The following MCPH1 variants were observed in gnomAD, a reference collection of about 807,000 sequenced individuals.
MCPH1 encodes microcephalin 1.
In MCPH1, 104 loss-of-function variants were observed where a neutral mutation model predicts 84.5. The observed-to-expected ratio is 1.23, with a 90% CI of 1.05 to 1.45. The LOEUF is 1.45. Ranked by LOEUF, MCPH1 falls within the 40% of genes most tolerant of loss-of-function variation. MCPH1 has a pLI of 0.00. For synonymous variants in MCPH1, 514 were observed against 366.8 expected (o/e 1.40, Z -4.58); for missense variants, 1,498 against 1,005.7 (o/e 1.49, Z -6.62).
At chr8:6,557,842 A>G (rs1824892076) in intron 12 of MCPH1, among the ~76,000 whole-genome samples, 1 of 152,116 alleles carries the variant, frequency 6.6e-6, no homozygotes. Context: ...CATTGTATGC[A>G]TCCTCTAGAT....
At chr8:6,488,922 C>T (rs562582277) in intron 11 of MCPH1, among the ~76,000 whole-genome samples, 2 of 151,738 alleles carry the variant, frequency 1.3e-5, no homozygotes, top group East Asian at 3.9e-4. Context: ...AGCAGGTCGG[C>T]GCCCTTCCTA....
chr8:6,586,961 G>C (rs1828035887), intron 12 of MCPH1, among the ~76,000 whole-genome samples: 1 of 152,122 alleles, frequency 6.6e-6, no homozygotes, highest in African/African-American at 2.4e-5. Context: ...GGCTGTGGGA[G>C]CCGAGCCCCG....
At chr8:6,607,980 G>T (rs892312705) in intron 12 of MCPH1, among the ~76,000 whole-genome samples, 4 of 152,192 alleles carry the variant, frequency 2.6e-5, no homozygotes, top group Admixed American at 6.5e-5. Flanking sequence ...GCTGGGAAAG[G>T]CCAGACCAAC....
chr8:6,590,803 C>G (rs1190971511), intron 12 of MCPH1, among the ~76,000 whole-genome samples: 1 of 152,178 alleles, frequency 6.6e-6, no homozygotes, highest in Non-Finnish European at 1.5e-5. Flanking sequence ...TGCCTCAGGT[C>G]ACTTGACCTC....
At chr8:6,520,850 T>C (rs766958139) in intron 12 of MCPH1, among the ~76,000 whole-genome samples, 5 of 152,222 alleles carry the variant, frequency 3.3e-5, no homozygotes, top group Admixed American at 3.3e-4. Flanking sequence ...GGTCTGATAT[T>C]ATTTTTCCCA....
chr8:6,431,523 T>C lies in MCPH1; in HGVS notation c.258T>C (p.Ile86=), dbSNP rs1180797250. ...VEKCRTAGAH[I]DESLFPAANM... is the part of the protein sequence containing the mutation. The stretch of plus-strand genomic sequence containing the variant: ...GATGCAGGACAGCTGGAGCACACAT[T>C]GATGAATCATTGTTCCCTGCAGCTA... The change falls in exon 4 of 14, where the codon ATT becomes ATC. Residue 86 remains isoleucine, a synonymous_variant. Coordinates refer to ENST00000344683, the MANE Select transcript of MCPH1 (RefSeq NM_024596.5). 6.2e-7 allele frequency: 1 copy of C among 1,613,662 alleles called. No individual in the cohort carries two copies. Among genetic ancestry groups the C allele is most frequent in the South Asian group, 1.1e-5 (1 of 91,044 alleles).
intron 12 of MCPH1, among the ~76,000 whole-genome samples, chr8:6,597,904 A>T (rs1199444526): frequency 6.6e-6 from 1 of 152,130 alleles, no homozygotes. Flanking sequence ...AGCTCTCCAA[A>T]GGGAAGGGCA....
At chr8:6,495,947 C>G (rs748852533) in intron 11 of MCPH1, among the ~76,000 whole-genome samples, 2 of 152,114 alleles carry the variant, frequency 1.3e-5, no homozygotes, top group Admixed American at 6.5e-5. Flanking sequence ...AGTCTCCAAC[C>G]TTTTTGGCAC....
At position 6,643,183 on chromosome 8, in the gene MCPH1, G is replaced by T; in HGVS notation, c.*134G>T. 1 of 798,850 alleles carries T rather than the reference G, an allele frequency of 1.3e-6. No homozygotes were observed. The highest frequency in any genetic ancestry group is 2.6e-5 in the East Asian group (1 of 37,912). The allele number at this position is 798,850 out of a possible 1,614,324, so 49.5% of individuals were successfully genotyped here. ...ACTTCTGATATCATGTTTGCCATGT[G>T]TTGTGGTTCTTAAGAACTCATAGGT... On this transcript the variant is annotated 3_prime_UTR_variant, in exon 14 of 14. Coordinates refer to ENST00000344683, the MANE Select transcript of MCPH1 (RefSeq NM_024596.5).
intron 9 of MCPH1, among the ~76,000 whole-genome samples, chr8:6,460,862 A>C (rs1022340091): frequency 6.6e-6 from 1 of 152,114 alleles, no homozygotes; most frequent in Non-Finnish European, 1.5e-5. Context: ...AACGTCTGCA[A>C]ATAGCTGGGG....
At chr8:6,584,002 C>T (rs1318416337) in intron 12 of MCPH1, among the ~76,000 whole-genome samples, 3 of 151,990 alleles carry the variant, frequency 2.0e-5, no homozygotes, top group African/African-American at 7.3e-5. Flanking sequence ...TTCGAAACTC[C>T]CACCAGTCTG....
rs116832859 is a variant in MCPH1, at chr8:6,531,215, A to G, written c.2214+31286A>G. ...GGTCACATGTTGTGCATCATTTAGC[A>G]TGTCTCTCGGTGAATTTTCTTCTTT... On this transcript the variant is annotated intron_variant, in intron 12 of 13. Coordinates refer to ENST00000344683, the MANE Select transcript of MCPH1 (RefSeq NM_024596.5). Among the ~76,000 whole-genome samples the G allele has an allele frequency of 5.0e-3, 727 of 145,808 alleles. 8 individuals carry two copies. The highest frequency in any genetic ancestry group is 0.016 in the African/African-American group (641 of 39,170).
In MCPH1 at chr8:6,526,257, T is replaced by TAAA. The variant is rs35519559; in HGVS notation, c.2214+26354_2214+26356dup. ...CAATATGGCAAAACCTTGCCTCTAC[T>TAAA]AAAAAAAAAAAAAAAAAAAAAAAAA... On this transcript the variant is annotated intron_variant, in intron 12 of 13. Coordinates refer to ENST00000344683, the MANE Select transcript of MCPH1 (RefSeq NM_024596.5). 1.8e-3 allele frequency among the ~76,000 whole-genome samples: 139 copies of TAAA among 77,488 alleles called. 9 individuals are homozygous for TAAA. Among genetic ancestry groups the TAAA allele is most frequent in the Middle Eastern group, 0.016 (2 of 124 alleles). 50.8% of individuals were successfully genotyped at this position (77,488 alleles called of 152,430 possible). A position where few individuals can be genotyped will look rare whatever the true frequency, so the allele number is the denominator to read the frequency against.
At chr8:6,629,603 C>T (rs1312365794) in intron 13 of MCPH1, among the ~76,000 whole-genome samples, 1 of 152,178 alleles carries the variant, frequency 6.6e-6, no homozygotes, top group Non-Finnish European at 1.5e-5. Context: ...AGAAACTAAC[C>T]CCTGTGACAC....
intron 12 of MCPH1, among the ~76,000 whole-genome samples, chr8:6,610,420 T>A (rs1244539202): frequency 6.6e-6 from 1 of 152,254 alleles, no homozygotes; most frequent in Admixed American, 6.5e-5. Context: ...TAAATCTCAC[T>A]ACTTGTTCCA....
chr8:6,646,968 T>C lies in MCPH1; in HGVS notation c.*3919T>C, dbSNP rs1387630736. 1 of 152,038 alleles carries C rather than the reference T, an allele frequency of 6.6e-6. No homozygotes were observed. Among genetic ancestry groups the C allele is most frequent in the Non-Finnish European group, 1.5e-5 (1 of 68,012 alleles). The allele number at this position is 152,038 out of a possible 1,614,324, so 9.4% of individuals were successfully genotyped here. On this transcript the variant is annotated 3_prime_UTR_variant, in exon 14 of 14. Transcript: ENST00000344683. ...AAAATAAGTTGGGCTTTGTCAAAAT[T>C]TTAAGTTTTGCTCTTCTGAAGAAAC...
At chr8:6,422,474 A>G (rs1165156252) in intron 3 of MCPH1, among the ~76,000 whole-genome samples, 3 of 152,196 alleles carry the variant, frequency 2.0e-5, no homozygotes, top group Non-Finnish European at 4.4e-5. Context: ...TGTACCTAAT[A>G]GGGCCTCTCA....
At chr8:6,501,504 G>C (rs1259674628) in intron 12 of MCPH1, 2 of 150,378 alleles carry the variant, frequency 1.3e-5, no homozygotes, top group African/African-American at 2.4e-5. Flanking sequence ...GGAGTTTATG[G>C]TTTTGTAGTC....
intron 2 of MCPH1, among the ~76,000 whole-genome samples, chr8:6,410,725 G>T (rs943311265): frequency 1.3e-5 from 2 of 152,146 alleles, no homozygotes; most frequent in Non-Finnish European, 2.9e-5. Context: ...CAAAGATAAG[G>T]CTTAGGGATA....
Sources: allele counts gnomAD v4.1 joint callset (sites outside exome capture counted in the v4.1 genomes callset), GRCh38; gene constraint gnomAD v4.1.1; transcripts MANE v1.5; gene names NCBI Gene and HGNC (gene_info 2026-07-23, HGNC 2026-07-21).